PCDHGA5: variants seen among roughly 807,000 people sequenced by gnomAD.
The protein encoded by PCDHGA5 is protocadherin gamma subfamily A, 5.
A neutral mutation model predicts 56.7 loss-of-function variants in PCDHGA5; 36 were observed. The ratio of observed to expected loss-of-function variants is 0.64; its 90% CI spans 0.49 to 0.84. The LOEUF (loss-of-function observed/expected upper bound fraction) is 0.84, where lower values mean the gene tolerates loss of function less well. Ranked by LOEUF, PCDHGA5 falls within the 40% of genes least tolerant of loss-of-function variation. The probability of loss-of-function intolerance (pLI) is 0.00; values close to 1 mark genes in which losing one functional copy is unlikely to be tolerated. For synonymous variants in PCDHGA5, 563 were observed against 520.2 expected (o/e 1.08, Z -1.12); for missense variants, 1,305 against 1,201.5 (o/e 1.09, Z -1.27).
chr5:141,370,988 A>G (rs760427095), intron 1 of PCDHGA5: 1 of 1,613,750 alleles, frequency 6.2e-7, no homozygotes, highest in African/African-American at 1.3e-5. Flanking sequence ...TACTGAAAGC[A>G]CCCCTGGACA....
At chr5:141,462,122 C>A (rs1437400069) in intron 1 of PCDHGA5, among the ~76,000 whole-genome samples, 3 of 152,044 alleles carry the variant, frequency 2.0e-5, no homozygotes, top group Admixed American at 6.6e-5. Context: ...TGCACCCAGT[C>A]CAATTTTTTG....
intron 1 of PCDHGA5, chr5:141,428,388 C>G (rs1299321513): frequency 4.0e-6 from 2 of 506,160 alleles, no homozygotes; most frequent in Non-Finnish European, 7.3e-6. Context: ...GCTCTTCCAG[C>G]CCCTCTGCCT....
intron 1 of PCDHGA5, chr5:141,399,850 C>G (rs768366007): frequency 1.2e-6 from 2 of 1,612,828 alleles, no homozygotes; most frequent in Non-Finnish European, 1.7e-6. Context: ...CGATATGGTG[C>G]CGCGCGCTGC....
chr5:141,441,737 C>T lies in PCDHGA5; in HGVS notation c.2422-53070C>T, dbSNP rs2098268916. 5 of 365,122 alleles carry T rather than the reference C, an allele frequency of 1.4e-5. 1 individual carries two copies. The highest frequency in any genetic ancestry group is 1.1e-4 in the South Asian group (5 of 46,286). 22.6% of individuals were successfully genotyped at this position (365,122 alleles called of 1,614,324 possible). ...TGCAGGCCCGCGACCAGGACTAGCT[C>T]GCGCTCGGCGTCAACGTGAGCCTGC... On this transcript the variant is annotated intron_variant, in intron 1 of 3. Transcript: ENST00000518069.
intron 1 of PCDHGA5, chr5:141,399,316 T>C (rs1281033457): frequency 6.2e-7 from 1 of 1,613,772 alleles, no homozygotes; most frequent in Non-Finnish European, 8.5e-7. Flanking sequence ...ATCCAAAAAT[T>C]CGTATAAGTT....
chr5:141,375,179 A>G (rs2150054707), intron 1 of PCDHGA5: 4 of 1,613,972 alleles, frequency 2.5e-6, no homozygotes, highest in Middle Eastern at 1.6e-4. Context: ...AGGAACAGTA[A>G]TCGCCCTTTT....
intron 1 of PCDHGA5, among the ~76,000 whole-genome samples, chr5:141,467,590 A>T (rs2099146863): frequency 6.6e-6 from 1 of 152,214 alleles, no homozygotes; most frequent in African/African-American, 2.4e-5. Context: ...AATGCCATTT[A>T]TTAAGCACTT....
intron 1 of PCDHGA5, chr5:141,388,157 C>T (rs750936402): frequency 1.4e-6 from 2 of 1,469,104 alleles, no homozygotes; most frequent in Non-Finnish European, 1.9e-6. Flanking sequence ...GCAGGCTAGA[C>T]AGGGAGGAGA....
At chr5:141,420,713 G>T (rs1406572601) in intron 1 of PCDHGA5, among the ~76,000 whole-genome samples, 1 of 152,078 alleles carries the variant, frequency 6.6e-6, no homozygotes, top group African/African-American at 2.4e-5. Flanking sequence ...CAGAAATGTC[G>T]TTCCTTTCAG....
chr5:141,375,967 G>C (rs200712802), intron 1 of PCDHGA5: 9 of 1,613,254 alleles, frequency 5.6e-6, no homozygotes, highest in East Asian at 2.2e-5. Flanking sequence ...AGGTGCGCAC[G>C]GCGCGCGCCC....
intron 1 of PCDHGA5, among the ~76,000 whole-genome samples, chr5:141,448,917 C>T (rs913804081): frequency 2.6e-5 from 4 of 152,130 alleles, no homozygotes; most frequent in African/African-American, 9.7e-5. Context: ...TGCACTCCAG[C>T]CTGGGCGACA....
At chr5:141,472,113 A>C (rs1296591849) in intron 1 of PCDHGA5, among the ~76,000 whole-genome samples, 1 of 152,260 alleles carries the variant, frequency 6.6e-6, no homozygotes, top group Non-Finnish European at 1.5e-5. Context: ...ATACATAAAG[A>C]AAATAAAAGA....
chr5:141,377,207 A>C (rs1170353646), intron 1 of PCDHGA5: 1 of 152,122 alleles, frequency 6.6e-6, no homozygotes, highest in Non-Finnish European at 1.5e-5. Context: ...GATTGAGTAC[A>C]TCTCGTTTCT....
In PCDHGA5 at chr5:141,383,993, T is replaced by G. The variant is rs1779669421; in HGVS notation, c.2421+17242T>G. The G allele has an allele frequency of 3.7e-6, 6 of 1,613,872 alleles. No individual in the cohort carries two copies. The highest frequency in any genetic ancestry group is 1.6e-4 in the Middle Eastern group (1 of 6,062). ...CCTGAAGACACACCTCTTGGGACAG[T>G]CATTGCTCTTTTCTACCTACAAGAC... On this transcript the variant is annotated intron_variant, in intron 1 of 3. Transcript: ENST00000518069.
intron 1 of PCDHGA5, among the ~76,000 whole-genome samples, chr5:141,462,769 G>T (rs1462290112): frequency 6.6e-6 from 1 of 151,956 alleles, no homozygotes; most frequent in African/African-American, 2.4e-5. Flanking sequence ...TCCTGGCTTG[G>T]GGTCATAATT....
At chr5:141,428,750 C>G (rs1282306626) in intron 1 of PCDHGA5, 1 of 154,730 alleles carries the variant, frequency 6.5e-6, no homozygotes, top group African/African-American at 2.4e-5. Flanking sequence ...ACTATTGCTT[C>G]AGGTTTGTTT....
chr5:141,369,740 G>T (rs1766464180), intron 1 of PCDHGA5, among the ~76,000 whole-genome samples: 1 of 152,190 alleles, frequency 6.6e-6, no homozygotes, highest in Non-Finnish European at 1.5e-5. Flanking sequence ...AAAGGAAATA[G>T]AATGCAATAA....
chr5:141,377,926 T>C (rs1194396438), intron 1 of PCDHGA5: 1 of 152,186 alleles, frequency 6.6e-6, no homozygotes, highest in Non-Finnish European at 1.5e-5. Flanking sequence ...AATCCACCTG[T>C]AACTGCTGCT....
At chr5:141,492,933 A>G (rs935580560) in intron 1 of PCDHGA5, among the ~76,000 whole-genome samples, 3 of 152,194 alleles carry the variant, frequency 2.0e-5, no homozygotes, top group Admixed American at 6.5e-5. Flanking sequence ...CTAGGGTCAG[A>G]GATTTGGAGG....
Sources: allele counts gnomAD v4.1 joint callset (sites outside exome capture counted in the v4.1 genomes callset), GRCh38; gene constraint gnomAD v4.1.1; transcripts MANE v1.5; gene names NCBI Gene and HGNC (gene_info 2026-07-23, HGNC 2026-07-21).